Variants in SCAF8 observed in about 807,000 individuals in gnomAD.
SCAF8 encodes SR-related CTD associated factor 8, also known as SR-related and CTD-associated factor 8.
SCAF8 carries 23 observed loss-of-function variants against 140.5 expected under a neutral mutation model. The observed-to-expected ratio is 0.16, with a 90% CI of 0.12 to 0.23. The LOEUF (loss-of-function observed/expected upper bound fraction) is 0.23. Ranked by LOEUF, SCAF8 falls within the 10% of genes least tolerant of loss-of-function variation. SCAF8 has a pLI of 1.00. For synonymous variants in SCAF8, 575 were observed against 528.9 expected (o/e 1.09, Z -1.20); for missense variants, 1,397 against 1,555.7 (o/e 0.90, Z 1.72).
intron 1 of SCAF8, among the ~76,000 whole-genome samples, chr6:154,753,925 A>G (rs1583004284): frequency 6.6e-6 from 1 of 151,862 alleles, no homozygotes; most frequent in South Asian, 2.1e-4. Flanking sequence ...GTAGCCTTGA[A>G]CTCCTGGGCT....
Position 154,773,971 on chromosome 6 carries a change from T to C in SCAF8, c.31-18T>C. 1 of 1,548,862 alleles carries C rather than the reference T, an allele frequency of 6.5e-7. No homozygotes were observed. Among genetic ancestry groups the C allele is most frequent in the South Asian group, 1.1e-5 (1 of 87,260 alleles). ...TTGGAGAGTTTTGCTGTATGTAAAT[T>C]TGTTCTTTTTTCATCAGTTGTATTC... is the stretch of plus-strand genomic sequence containing the variant. On this transcript the variant is annotated intron_variant, in intron 1 of 19. Transcript: ENST00000367178.
chr6:154,815,979 T>C (rs1197633573), intron 13 of SCAF8, among the ~76,000 whole-genome samples, 163 bp downstream of exon 13: 1 of 152,250 alleles, frequency 6.6e-6, no homozygotes, highest in Non-Finnish European at 1.5e-5. Context: ...ATTTTGGTGC[T>C]GTTTCTCTCC....
Position 154,733,801 on chromosome 6 carries a change from C to G in SCAF8, c.-100C>G. On this transcript the variant is annotated 5_prime_UTR_variant, in exon 1 of 20. Transcript: ENST00000367178. ...CGGCCCGCTCTCCCGCCAGCGCCCCCTCCTCGCGGCCACGCAGCAGCCCGC... is the reference window on the plus strand; with the variant it reads ...CGGCCCGCTCTCCCGCCAGCGCCCCGTCCTCGCGGCCACGCAGCAGCCCGC... 7.0e-7 allele frequency: 1 copy of G among 1,427,926 alleles called. No individual in the cohort carries two copies. The highest frequency in any genetic ancestry group is 1.5e-5 in the South Asian group (1 of 65,864). 88.5% of individuals were successfully genotyped at this position (1,427,926 alleles called of 1,614,324 possible).
intron 1 of SCAF8, among the ~76,000 whole-genome samples, chr6:154,769,357 A>C (rs1011876238): frequency 3.9e-5 from 6 of 152,194 alleles, no homozygotes; most frequent in Admixed American, 2.6e-4. Context: ...TACAATATGG[A>C]CTAGTGCTTG....
chr6:154,742,838 T>C (rs1183574585), intron 1 of SCAF8, among the ~76,000 whole-genome samples: 2 of 152,202 alleles, frequency 1.3e-5, no homozygotes, highest in African/African-American at 4.8e-5. Context: ...TTAAAATAAT[T>C]CTGCAACTTA....
chr6:154,760,357 A>G (rs1779071612), intron 1 of SCAF8, among the ~76,000 whole-genome samples: 2 of 152,030 alleles, frequency 1.3e-5, no homozygotes, highest in Admixed American at 1.3e-4. Context: ...ATTAAAGAGG[A>G]TTTCTTTTTT....
At chr6:154,825,401 A>C (rs574822782) in intron 17 of SCAF8, 2 of 152,366 alleles carry the variant, frequency 1.3e-5, no homozygotes, top group Admixed American at 6.5e-5. Context: ...TAGGCCGGGC[A>C]TGGTAGCTCA....
At chr6:154,751,788 G>C (rs1778843896) in intron 1 of SCAF8, among the ~76,000 whole-genome samples, 1 of 152,104 alleles carries the variant, frequency 6.6e-6, no homozygotes, top group South Asian at 2.1e-4. Context: ...ATTCTTAATA[G>C]ATTATTAATA....
chr6:154,775,265 TA>T (rs1321063809), intron 2 of SCAF8, among the ~76,000 whole-genome samples: 1 of 152,220 alleles, frequency 6.6e-6, no homozygotes, highest in East Asian at 1.9e-4. Context: ...ACAGTAACTA[TA>T]AGCACATTGA....
intron 11 of SCAF8, among the ~76,000 whole-genome samples, chr6:154,809,673 A>C (rs1031501060): frequency 6.6e-6 from 1 of 152,200 alleles, no homozygotes; most frequent in East Asian, 1.9e-4. Context: ...TCTGACACTT[A>C]AATGGTCTTT....
At position 154,802,083 on chromosome 6, in the gene SCAF8, TTACAGC is replaced by T; in HGVS notation, c.721_726del (p.Thr241_Ala242del). On this transcript the variant is annotated inframe_deletion, in exon 7 of 20. Coordinates refer to ENST00000367178, the MANE Select transcript of SCAF8 (RefSeq NM_014892.5). ...CAGTTGCAAGCTCTTACGGCACAAC[TTACAGC>T]TGCAGCTGCAGCTGCCAACACTCTT... The T allele has an allele frequency of 6.2e-7, 1 of 1,613,054 alleles. No individual in the cohort carries two copies. The highest frequency in any genetic ancestry group is 8.5e-7 in the Non-Finnish European group (1 of 1,179,400).
At chr6:154,749,808 G>A (rs2114805675) in intron 1 of SCAF8, among the ~76,000 whole-genome samples, 1 of 152,270 alleles carries the variant, frequency 6.6e-6, no homozygotes, top group South Asian at 2.1e-4. Flanking sequence ...GAAAGCACAA[G>A]TTTTAAATTT....
chr6:154,801,507 A>C (rs1777770933), intron 6 of SCAF8, among the ~76,000 whole-genome samples: 1 of 151,450 alleles, frequency 6.6e-6, no homozygotes, highest in African/African-American at 2.4e-5. Flanking sequence ...ACTCTAGATG[A>C]CACTATTATT....
At chr6:154,782,892 C>G (rs1305375996) in intron 3 of SCAF8, among the ~76,000 whole-genome samples, 3 of 152,084 alleles carry the variant, frequency 2.0e-5, no homozygotes, top group Non-Finnish European at 4.4e-5. Flanking sequence ...GTCTACCTTC[C>G]CCTGCTCACT....
chr6:154,785,497 G>C (rs1777226661), intron 3 of SCAF8, among the ~76,000 whole-genome samples: 1 of 152,040 alleles, frequency 6.6e-6, no homozygotes, highest in Non-Finnish European at 1.5e-5. Flanking sequence ...GTCAGCACTT[G>C]GTATTGTTAG....
chr6:154,742,249 A>G (rs1430278441), intron 1 of SCAF8, among the ~76,000 whole-genome samples: 1 of 152,082 alleles, frequency 6.6e-6, no homozygotes. Context: ...AGCATAAATC[A>G]TATATATATA....
Position 154,832,059 on chromosome 6 carries a change from T to C in SCAF8, c.2480T>C (p.Leu827Pro), listed in dbSNP as rs749849914. 1.9e-6 allele frequency: 3 copies of C among 1,614,170 alleles called. No homozygotes were observed. The highest frequency in any genetic ancestry group is 3.3e-5 in the Admixed American group (2 of 60,014). ...RPNVSSNSEI[L>P]GVRPSNVSSS... The stretch of plus-strand genomic sequence containing the variant: ...AATGTATCAAGTAATTCTGAAATTC[T>C]TGGGGTCCGGCCATCTAATGTTTCC... Residue 827 changes from leucine to proline, a missense_variant, in exon 20 of 20, where the codon CTT becomes CCT. By Grantham distance (98) the Leu-to-Pro change is moderately conservative. Around this residue, in one of 5 missense-constraint regions of SCAF8, gnomAD observed 930 missense variants for 874.6 expected, o/e 1.06. Coordinates refer to ENST00000367178, the MANE Select transcript of SCAF8 (RefSeq NM_014892.5).
At chr6:154,795,168 T>C in intron 6 of SCAF8, 29 bp downstream of exon 6, 2 of 1,573,302 alleles carry the variant, frequency 1.3e-6, no homozygotes, top group Non-Finnish European at 1.7e-6. Context: ...ATATCAAGAA[T>C]AATTTAGAAT....
At chr6:154,824,929 G>A (rs953741197) in intron 17 of SCAF8, 6 of 149,784 alleles carry the variant, frequency 4.0e-5, no homozygotes, top group African/African-American at 1.5e-4. Flanking sequence ...GGGTAACAGA[G>A]CAATTACTTT....
Sources: gnomAD v4.1 joint callset for allele counts (sites outside exome capture counted in the v4.1 genomes callset) on GRCh38, gnomAD v4.1.1 for gene constraint, gnomAD v4.1.1 regional missense constraint, MANE v1.5 for transcripts, NCBI Gene and HGNC (gene_info 2026-07-23, HGNC 2026-07-21) for gene names.